The following ZNF385D variants were observed in gnomAD, a reference collection of about 807,000 sequenced individuals.
ZNF385D encodes the protein zinc finger protein 659.
ZNF385D carries 15 observed loss-of-function variants against 35.8 expected under a neutral mutation model. The ratio of observed to expected loss-of-function variants is 0.42; its 90% CI spans 0.28 to 0.64. The LOEUF (loss-of-function observed/expected upper bound fraction) is 0.64. Among genes scored for constraint, ZNF385D ranks in the 30% least tolerant of loss-of-function variants. The probability of loss-of-function intolerance (pLI) is 0.23; values close to 1 mark genes in which losing one functional copy is unlikely to be tolerated. For missense variants in ZNF385D, 474 were observed against 494.6 expected (o/e 0.96, Z 0.39); for synonymous variants, 212 against 186.8 (o/e 1.13, Z -1.10).
chr3:21,859,816 G>A (rs1406038226), intron 3 of ZNF385D, among the ~76,000 whole-genome samples: 1 of 151,986 alleles, frequency 6.6e-6, no homozygotes, highest in Non-Finnish European at 1.5e-5. Flanking sequence ...GCTTCCAAAC[G>A]TGGCACTTTC....
chr3:22,339,001 T>C (rs1286702449), intron 2 of ZNF385D, among the ~76,000 whole-genome samples: 1 of 152,060 alleles, frequency 6.6e-6, no homozygotes, highest in African/African-American at 2.4e-5. Context: ...ACACCTGGCC[T>C]CATCTCACTT....
intron 3 of ZNF385D, among the ~76,000 whole-genome samples, chr3:21,538,562 A>G (rs2062094080): frequency 6.6e-6 from 1 of 152,046 alleles, no homozygotes; most frequent in Non-Finnish European, 1.5e-5. Context: ...GGCATTTTTT[A>G]TTTTAAAGAT....
At chr3:21,923,508 T>C (rs1302230273) in intron 3 of ZNF385D, among the ~76,000 whole-genome samples, 1 of 152,184 alleles carries the variant, frequency 6.6e-6, no homozygotes, top group Non-Finnish European at 1.5e-5. Flanking sequence ...CATTACTGCA[T>C]ATAGAATCAA....
intron 2 of ZNF385D, among the ~76,000 whole-genome samples, chr3:22,171,236 G>C (rs1308929816): frequency 6.6e-6 from 1 of 152,140 alleles, no homozygotes; most frequent in Admixed American, 6.5e-5. Flanking sequence ...GTGTGCCCTT[G>C]TAACACATCA....
intron 1 of ZNF385D, among the ~76,000 whole-genome samples, chr3:21,705,673 G>C (rs189088808): frequency 2.6e-5 from 4 of 152,252 alleles, no homozygotes; most frequent in South Asian, 4.1e-4. Context: ...ACTTGTCCAT[G>C]GTCATATGAT....
intron 1 of ZNF385D, among the ~76,000 whole-genome samples, chr3:21,728,791 G>C (rs1198319578): frequency 4.6e-5 from 7 of 152,132 alleles, no homozygotes; most frequent in African/African-American, 1.4e-4. Context: ...CTGCAAGCCG[G>C]CTCACCCCTA....
intron 3 of ZNF385D, among the ~76,000 whole-genome samples, chr3:22,153,571 C>G (rs1705402946): frequency 6.7e-6 from 1 of 148,812 alleles, no homozygotes; most frequent in Admixed American, 6.8e-5. Context: ...CCAAGCAATT[C>G]TTGTGTCTCA....
At chr3:21,626,941 G>T (rs923516415) in intron 2 of ZNF385D, among the ~76,000 whole-genome samples, 1 of 151,952 alleles carries the variant, frequency 6.6e-6, no homozygotes, top group African/African-American at 2.4e-5. Flanking sequence ...TGGGTATTGA[G>T]GGGCTTAGGG....
intron 2 of ZNF385D, among the ~76,000 whole-genome samples, chr3:22,326,612 G>T (rs1694691240): frequency 6.6e-6 from 1 of 152,154 alleles, no homozygotes; most frequent in African/African-American, 2.4e-5. Flanking sequence ...CAGGAATGGA[G>T]CATCTGTCTC....
chr3:22,223,260 T>C (rs1057441132), intron 2 of ZNF385D, among the ~76,000 whole-genome samples: 3 of 152,174 alleles, frequency 2.0e-5, no homozygotes, highest in African/African-American at 7.2e-5. Flanking sequence ...ATACATATTG[T>C]ACTTATTTGT....
At chr3:21,866,992 G>C (rs1038437898) in intron 3 of ZNF385D, among the ~76,000 whole-genome samples, 5 of 152,064 alleles carry the variant, frequency 3.3e-5, no homozygotes, top group Non-Finnish European at 7.4e-5. Flanking sequence ...CTACATAACA[G>C]AACACCTGAC....
chr3:22,079,929 T>C (rs182067890), intron 3 of ZNF385D, among the ~76,000 whole-genome samples: 1 of 151,984 alleles, frequency 6.6e-6, no homozygotes, highest in Non-Finnish European at 1.5e-5. Context: ...TGTGTACATA[T>C]ATACATATGT....
intron 3 of ZNF385D, among the ~76,000 whole-genome samples, chr3:21,819,839 A>C (rs2125731063): frequency 6.8e-6 from 1 of 147,922 alleles, no homozygotes; most frequent in South Asian, 2.1e-4. Context: ...CAAATATAAT[A>C]CACATATATA....
intron 3 of ZNF385D, among the ~76,000 whole-genome samples, chr3:21,916,591 C>G (rs1173821945): frequency 6.6e-6 from 1 of 152,110 alleles, no homozygotes; most frequent in African/African-American, 2.4e-5. Context: ...ATAAATTTTT[C>G]TAGTATAGCC....
At chr3:21,897,462 C>T (rs999127987) in intron 3 of ZNF385D, among the ~76,000 whole-genome samples, 2 of 152,088 alleles carry the variant, frequency 1.3e-5, no homozygotes, top group Non-Finnish European at 2.9e-5. Flanking sequence ...ATGCCCCTTA[C>T]GGCATCATGT....
intron 3 of ZNF385D, among the ~76,000 whole-genome samples, chr3:21,996,803 A>C (rs2125406099): frequency 6.6e-6 from 1 of 152,334 alleles, no homozygotes; most frequent in African/African-American, 2.4e-5. Context: ...TATTCCATCA[A>C]AGGGTAAGGA....
rs78386606 is a variant in ZNF385D, at chr3:22,181,558, C to G, written c.107-12523G>C. Reference sequence around the variant, plus strand: ...AAACACACACACAAAATTAGCCGGTCGCAGTGGCGGGCGCCTGTAGTCCCA... The same window carrying G: ...AAACACACACACAAAATTAGCCGGTGGCAGTGGCGGGCGCCTGTAGTCCCA... On this transcript the variant is annotated intron_variant, in intron 2 of 5. Transcript: ENST00000494108. Among the ~76,000 whole-genome samples, 1,315 of 152,098 alleles carry G rather than the reference C, an allele frequency of 8.6e-3. 37 individuals carry two copies. The highest frequency in any genetic ancestry group is 0.07 in the East Asian group (361 of 5,138).
chr3:21,926,965 T>C lies in ZNF385D; in HGVS notation c.325+241852A>G, dbSNP rs114370582. 2.2e-3 allele frequency among the ~76,000 whole-genome samples: 338 copies of C among 152,222 alleles called. 2 individuals are homozygous for C. The highest frequency in any genetic ancestry group is 7.7e-3 in the African/African-American group (320 of 41,560). On this transcript the variant is annotated intron_variant, in intron 3 of 5. Transcript: ENST00000494108. ...TCCTCTCCAAATTTTATGTTGAAAT[T>C]TGATCTCCAATATTGAAGGTAGGGT...
chr3:21,565,679 A>T (rs1445328400), intron 2 of ZNF385D, among the ~76,000 whole-genome samples: 2 of 152,212 alleles, frequency 1.3e-5, no homozygotes, highest in African/African-American at 4.8e-5. Flanking sequence ...CTGGCTATTT[A>T]TTATTATATG....
Sources: gnomAD v4.1 joint callset for allele counts (sites outside exome capture counted in the v4.1 genomes callset) on GRCh38, gnomAD v4.1.1 for gene constraint, MANE v1.5 for transcripts, NCBI Gene and HGNC (gene_info 2026-07-23, HGNC 2026-07-21) for gene names.